The following PCED1B variants were observed in gnomAD, a reference collection of about 807,000 sequenced individuals.
The protein encoded by PCED1B is PC-esterase domain containing 1B.
For missense variants in PCED1B, 573 were observed against 573.9 expected, an observed-to-expected ratio of 1.00 and a Z score of 0.02; for synonymous variants, 251 against 246.1, an observed-to-expected ratio of 1.02 and a Z score of -0.19.
chr12:47,163,517 T>A (rs1405509745), intron 2 of PCED1B, among the ~76,000 whole-genome samples: 1 of 152,246 alleles, frequency 6.6e-6, no homozygotes, highest in East Asian at 1.9e-4. Context: ...TTTCAGTCTT[T>A]CACCATTTAG....
Position 47,235,563 on chromosome 12 carries a change from C to T in PCED1B, c.500C>T (p.Pro167Leu). 4 of 1,609,608 alleles carry T rather than the reference C, an allele frequency of 2.5e-6. No homozygotes were observed. Among genetic ancestry groups the T allele is most frequent in the Non-Finnish European group, 2.5e-6 (3 of 1,177,116 alleles). Residue 167 changes from proline to leucine, a missense_variant, in exon 4 of 4, where the codon CCT becomes CTT. Physicochemically the swap from Pro to Leu is moderately conservative, Grantham distance 98. Coordinates refer to ENST00000546455, the MANE Select transcript of PCED1B (RefSeq NM_138371.3). ...CTCCTGGTGTGGAACACGGCCATGC[C>T]TGTGGGCGAGGAAGTCACCGGGGGT... ...SCLLVWNTAMPVGEEVTGGFL... is the reference protein window; with the variant it reads ...SCLLVWNTAMLVGEEVTGGFL...
intron 2 of PCED1B, among the ~76,000 whole-genome samples, chr12:47,145,120 A>G (rs1198394193): frequency 1.3e-5 from 2 of 152,214 alleles, no homozygotes; most frequent in Non-Finnish European, 2.9e-5. Context: ...AAACAGCCTT[A>G]TTGCTGATAT....
chr12:47,185,716 G>T (rs902549760), intron 2 of PCED1B, among the ~76,000 whole-genome samples: 5 of 151,882 alleles, frequency 3.3e-5, no homozygotes, highest in African/African-American at 1.2e-4. Flanking sequence ...TTGAACCTGG[G>T]AGGTGGAGGT....
intron 2 of PCED1B, among the ~76,000 whole-genome samples, chr12:47,161,687 T>C (rs59819069): frequency 0.015 from 2,289 of 152,280 alleles, 61 homozygotes; most frequent in African/African-American, 0.052. Flanking sequence ...AGTTCAACCA[T>C]TGTGGAAGAC....
chr12:47,147,821 A>C (rs1476385663), intron 2 of PCED1B, among the ~76,000 whole-genome samples: 3 of 152,138 alleles, frequency 2.0e-5, no homozygotes, highest in African/African-American at 7.2e-5. Context: ...TTCATGCCAA[A>C]CTAGGCTTTT....
chr12:47,158,757 T>C (rs1941276401), intron 2 of PCED1B, among the ~76,000 whole-genome samples: 1 of 152,196 alleles, frequency 6.6e-6, no homozygotes, highest in Non-Finnish European at 1.5e-5. Context: ...CAAGTATTTA[T>C]CACTTCTATG....
chr12:47,113,965 A>AACAC lies in PCED1B; in HGVS notation c.-526+9786_-526+9789dup, dbSNP rs369455510. ...GACTCCATCTAAAAAAGAAAAAAAA[A>AACAC]ACACACACACACACACACATAATTT... On this transcript the variant is annotated intron_variant, in intron 2 of 3. Coordinates refer to ENST00000546455, the MANE Select transcript of PCED1B (RefSeq NM_138371.3). Among the ~76,000 whole-genome samples, 288 of 148,920 alleles carry AACAC rather than the reference A, an allele frequency of 1.9e-3. 3 individuals carry two copies. Among genetic ancestry groups the AACAC allele is most frequent in the South Asian group, 9.3e-3 (44 of 4,732 alleles).
At chr12:47,151,235 C>T (rs1043126053) in intron 2 of PCED1B, among the ~76,000 whole-genome samples, 4 of 151,850 alleles carry the variant, frequency 2.6e-5, no homozygotes, top group Non-Finnish European at 5.9e-5. Context: ...ACAGTGATCC[C>T]ATAAGATTAA....
chr12:47,092,066 G>GA (rs939929739), intron 1 of PCED1B, among the ~76,000 whole-genome samples: 6 of 151,934 alleles, frequency 3.9e-5, no homozygotes, highest in Admixed American at 6.6e-5. Context: ...TCAATTTCTG[G>GA]AAAAAGAAGA....
At chr12:47,184,653 T>C (rs1009850219) in intron 2 of PCED1B, among the ~76,000 whole-genome samples, 2 of 149,966 alleles carry the variant, frequency 1.3e-5, no homozygotes, top group Non-Finnish European at 3.0e-5. Flanking sequence ...TTCCTTCTTT[T>C]ACCAAAGACA....
chr12:47,203,626 C>G (rs1942832416), intron 2 of PCED1B, among the ~76,000 whole-genome samples: 1 of 152,148 alleles, frequency 6.6e-6, no homozygotes, highest in African/African-American at 2.4e-5. Flanking sequence ...CATCTCTGTC[C>G]CTGCAAAAGA....
At chr12:47,184,384 G>A (rs770919026) in intron 2 of PCED1B, among the ~76,000 whole-genome samples, 7 of 152,012 alleles carry the variant, frequency 4.6e-5, no homozygotes, top group South Asian at 2.1e-4. Context: ...AAATACTCCC[G>A]CCACATTGGA....
intron 1 of PCED1B, among the ~76,000 whole-genome samples, chr12:47,083,603 A>G (rs944692887): frequency 1.3e-5 from 2 of 152,166 alleles, no homozygotes; most frequent in African/African-American, 4.8e-5. Context: ...AAGATTTTTT[A>G]TAGAACCAGA....
At position 47,222,689 on chromosome 12, in the gene PCED1B, C is replaced by G. The variant is rs775462100; in HGVS notation, c.-58+6000C>G. Among the ~76,000 whole-genome samples the G allele has an allele frequency of 2.6e-5, 4 of 152,234 alleles. No homozygotes were observed. The South Asian group carries it at 6.2e-4, about 24-fold the overall frequency. On this transcript the variant is annotated intron_variant, in intron 3 of 3. Transcript: ENST00000546455. Reference sequence around the variant, plus strand: ...TTAGGAAAACTGCAGTAATATTGTTCCCATTTTATTGATGAGGTTTCTTCA... The same window carrying G: ...TTAGGAAAACTGCAGTAATATTGTTGCCATTTTATTGATGAGGTTTCTTCA...
chr12:47,217,523 G>A lies in PCED1B; in HGVS notation c.-58+834G>A, dbSNP rs1565608230. Reference sequence around the variant, plus strand: ...AAGAAAGAAAGAAAGAAAGAAGAAAGAGAAAGAGAGAAAAGAAAAGGAAAG... The same window carrying A: ...AAGAAAGAAAGAAAGAAAGAAGAAAAAGAAAGAGAGAAAAGAAAAGGAAAG... On this transcript the variant is annotated intron_variant, in intron 3 of 3. Coordinates refer to ENST00000546455, the MANE Select transcript of PCED1B (RefSeq NM_138371.3). 3.5e-5 allele frequency among the ~76,000 whole-genome samples: 4 copies of A among 115,656 alleles called. 1 individual carries two copies. The highest frequency in any genetic ancestry group is 1.9e-4 in the African/African-American group (4 of 21,114). 75.9% of individuals were successfully genotyped at this position (115,656 alleles called of 152,430 possible).
At chr12:47,223,836 C>T (rs983683353) in intron 3 of PCED1B, 2 of 152,166 alleles carry the variant, frequency 1.3e-5, no homozygotes, top group African/African-American at 4.8e-5. Context: ...TCTGGCAGGC[C>T]TTGTATTATT....
intron 2 of PCED1B, among the ~76,000 whole-genome samples, chr12:47,121,072 G>T (rs757558162): frequency 3.9e-5 from 6 of 152,138 alleles, no homozygotes; most frequent in African/African-American, 9.7e-5. Flanking sequence ...TAAAATTGTG[G>T]TGATGGTTCC....
intron 2 of PCED1B, among the ~76,000 whole-genome samples, chr12:47,125,970 A>G (rs957412458): frequency 3.3e-5 from 5 of 152,016 alleles, no homozygotes; most frequent in African/African-American, 1.2e-4. Flanking sequence ...CTTCCTTTCC[A>G]ATCATTTCAA....
intron 1 of PCED1B, among the ~76,000 whole-genome samples, chr12:47,085,937 C>A (rs1937958302): frequency 6.6e-6 from 1 of 151,858 alleles, no homozygotes; most frequent in African/African-American, 2.4e-5. Context: ...GTGACTCAGA[C>A]CTCCCCTGTT....
Sources: allele counts gnomAD v4.1 joint callset (sites outside exome capture counted in the v4.1 genomes callset), GRCh38; gene constraint gnomAD v4.1.1; transcripts MANE v1.5; gene names NCBI Gene and HGNC (gene_info 2026-07-23, HGNC 2026-07-21).